FGL1: variants seen among roughly 807,000 people sequenced by gnomAD.
FGL1 encodes fibrinogen like 1, also known as fibrinogen-like protein 1.
In FGL1, 59 loss-of-function variants were observed where a neutral mutation model predicts 43.7. The ratio of observed to expected loss-of-function variants is 1.35; its 90% CI spans 1.10 to 1.68. FGL1 has a LOEUF of 1.68. Among genes scored for constraint, FGL1 ranks in the 40% most tolerant of loss-of-function variants. FGL1 has a pLI of 0.00. For missense variants in FGL1, 596 were observed against 373.0 expected, an observed-to-expected ratio of 1.60 and a Z score of -4.92; for synonymous variants, 192 against 126.5, an observed-to-expected ratio of 1.52 and a Z score of -3.48.
At chr8:17,885,977 C>T (rs148493439) in intron 1 of FGL1, among the ~76,000 whole-genome samples, 33 of 152,288 alleles carry the variant, frequency 2.2e-4, no homozygotes, top group African/African-American at 7.5e-4. Context: ...TGGTCTCAAA[C>T]TCCTGGGCTT....
intron 3 of FGL1, among the ~76,000 whole-genome samples, chr8:17,878,248 G>C (rs984539061): frequency 6.6e-6 from 1 of 152,088 alleles, no homozygotes; most frequent in African/African-American, 2.4e-5. Context: ...CATGGCACCT[G>C]GCCAAAATAT....
intron 1 of FGL1, among the ~76,000 whole-genome samples, chr8:17,890,744 G>T (rs1035911444): frequency 1.3e-5 from 2 of 152,110 alleles, no homozygotes; most frequent in African/African-American, 4.8e-5. Flanking sequence ...TTACAGTCGT[G>T]GTGGAAGGGG....
intron 7 of FGL1, among the ~76,000 whole-genome samples, chr8:17,867,664 A>C (rs1025966494): frequency 3.3e-5 from 5 of 152,170 alleles, no homozygotes; most frequent in Non-Finnish European, 7.4e-5. Context: ...GACTTCTACT[A>C]AGTGTCTTGG....
Position 17,881,983 on chromosome 8 carries a change from A to T in FGL1, c.244+16T>A. The T allele has an allele frequency of 6.2e-7, 1 of 1,609,718 alleles. No homozygotes were observed. Among genetic ancestry groups the T allele is most frequent in the Non-Finnish European group, 8.5e-7 (1 of 1,177,152 alleles). On this transcript the variant is annotated intron_variant, in intron 3 of 7. Transcript: ENST00000427924. ...AATGTAAGTTATAGAAACACTTAAG[A>T]AAAGTCCATTCTGACCTGCATACTG...
At chr8:17,883,188 A>G (rs369979199) in intron 2 of FGL1, among the ~76,000 whole-genome samples, 1,113 of 20,880 alleles carry the variant, frequency 0.053, no homozygotes, top group Non-Finnish European at 0.11. Context: ...AATATATATC[A>G]TATATAATAT....
chr8:17,892,783 G>A (rs190954055), intron 1 of FGL1, among the ~76,000 whole-genome samples: 40 of 152,312 alleles, frequency 2.6e-4, no homozygotes, highest in Non-Finnish European at 4.9e-4. Context: ...ATCATGAAAT[G>A]TCTGTATCTT....
rs2053411826 is a variant in FGL1, at chr8:17,874,384, C to G, written c.382G>C (p.Asp128His). 3.7e-6 allele frequency: 6 copies of G among 1,613,298 alleles called. No individual in the cohort carries two copies. The highest frequency in any genetic ancestry group is 5.1e-6 in the Non-Finnish European group (6 of 1,179,760). Residue 128 changes from aspartate to histidine, a missense_variant, in exon 4 of 8, where the codon GAT becomes CAT. Physicochemically the swap from Asp to His is moderately conservative, Grantham distance 81. Coordinates refer to ENST00000427924, the MANE Select transcript of FGL1 (RefSeq NM_004467.4). ...GGWTVIQRRSDGSENFNRGWK... is the reference protein window; with the variant it reads ...GGWTVIQRRSHGSENFNRGWK... ...CACCTGTTAAAGTTTTCACTGCCAT[C>G]AGATCGTCTCTGAATTACAGTCCAT...
At chr8:17,883,875 T>G (rs1211256341) in intron 2 of FGL1, among the ~76,000 whole-genome samples, 1 of 149,948 alleles carries the variant, frequency 6.7e-6, no homozygotes, top group Non-Finnish European at 1.5e-5. Flanking sequence ...TAGGATGATT[T>G]CTTTCTCCTC....
chr8:17,883,075 TATATAATATATATC>T (rs2053567572), intron 2 of FGL1, among the ~76,000 whole-genome samples: 1 of 77,212 alleles, frequency 1.3e-5, no homozygotes, highest in Non-Finnish European at 2.0e-5. Context: ...ATATATTAAA[TATATAATATATATC>T]ATATGTAATA....
intron 3 of FGL1, among the ~76,000 whole-genome samples, chr8:17,875,533 T>TTCTTTCTTTCTTTCTTTCTTTCTTTCTC (rs1208572003): frequency 8.4e-5 from 1 of 11,846 alleles, no homozygotes; most frequent in Non-Finnish European, 2.5e-4. Context: ...CTTTCTTTCT[T>TTCTTTCTTTCTTTCTTTCTTTCTTTCTC]TCTCTTTCTT....
chr8:17,890,077 G>T lies in FGL1; in HGVS notation c.-17-4506C>A, dbSNP rs542789471. ...ACATCATCAACACATGAAATCTCAC[G>T]ATGTCTTTAGAAGACACATTATGTT... On this transcript the variant is annotated intron_variant, in intron 1 of 7. Coordinates refer to ENST00000427924, the MANE Select transcript of FGL1 (RefSeq NM_004467.4). Among the ~76,000 whole-genome samples, 298 of 152,208 alleles carry T rather than the reference G, an allele frequency of 2.0e-3. 2 individuals are homozygous for T. The highest frequency in any genetic ancestry group is 7.0e-3 in the African/African-American group (292 of 41,526).
At chr8:17,889,947 T>C (rs141362470) in intron 1 of FGL1, among the ~76,000 whole-genome samples, 17 of 152,350 alleles carry the variant, frequency 1.1e-4, no homozygotes, top group Admixed American at 3.3e-4. Flanking sequence ...GCTTACTTGA[T>C]CAGAGAGAGA....
intron 2 of FGL1, 121 bp from the exon 3 acceptor site, chr8:17,882,300 T>C: frequency 1.1e-6 from 1 of 917,804 alleles, no homozygotes; most frequent in Non-Finnish European, 1.6e-6. Flanking sequence ...CAGAATATTA[T>C]TCCAAAGAGA....
intron 2 of FGL1, 120 bp from the exon 3 acceptor site, chr8:17,882,299 A>G: frequency 1.1e-6 from 1 of 928,574 alleles, no homozygotes; most frequent in Non-Finnish European, 1.5e-6. Context: ...TCAGAATATT[A>G]TTCCAAAGAG....
At chr8:17,868,793 TAA>T (rs1288257687) in intron 6 of FGL1, 58 bp from the exon 7 acceptor site, 4 of 1,521,024 alleles carry the variant, frequency 2.6e-6, no homozygotes, top group Non-Finnish European at 3.5e-6. Context: ...ATTTTAAAAT[TAA>T]GTTTATTTCA....
In FGL1 at chr8:17,864,765, G is replaced by GAA. The variant is rs760243854; in HGVS notation, c.780-16_780-15dup. On this transcript the variant is annotated splice_polypyrimidine_tract_variant and intron_variant, in intron 7 of 7. Transcript: ENST00000427924. ...GCAGAGTGACACCTAGTGGAAGGGA[G>GAA]AAAAAAAAAGAAAACAACAATCAGA... 2.8e-6 allele frequency: 4 copies of GAA among 1,404,236 alleles called. No homozygotes were observed. Among genetic ancestry groups the GAA allele is most frequent in the South Asian group, 3.6e-5 (2 of 55,824 alleles). The allele number at this position is 1,404,236 out of a possible 1,614,324, so 87.0% of individuals were successfully genotyped here.
intron 7 of FGL1, among the ~76,000 whole-genome samples, chr8:17,867,991 A>C (rs931528430): frequency 3.9e-5 from 6 of 152,204 alleles, no homozygotes; most frequent in Non-Finnish European, 5.9e-5. Context: ...ATATACAATC[A>C]AAAACGGAAT....
At chr8:17,890,272 G>A (rs780179752) in intron 1 of FGL1, among the ~76,000 whole-genome samples, 5 of 152,256 alleles carry the variant, frequency 3.3e-5, no homozygotes, top group South Asian at 4.1e-4. Flanking sequence ...ATTACAATGA[G>A]ACAACATTCT....
At chr8:17,884,320 T>C (rs992958931) in intron 2 of FGL1, among the ~76,000 whole-genome samples, 3 of 152,046 alleles carry the variant, frequency 2.0e-5, no homozygotes, top group African/African-American at 7.2e-5. Context: ...TCCTGGCAAG[T>C]AGCTGGGACT....
Sources: gnomAD v4.1 joint callset for allele counts (sites outside exome capture counted in the v4.1 genomes callset) on GRCh38, gnomAD v4.1.1 for gene constraint, MANE v1.5 for transcripts, NCBI Gene and HGNC (gene_info 2026-07-23, HGNC 2026-07-21) for gene names.